MAN1A2: variants seen among roughly 807,000 people sequenced by gnomAD.
MAN1A2 encodes mannosidase alpha class 1A member 2, also known as mannosyl-oligosaccharide 1,2-alpha-mannosidase IB.
In MAN1A2, 26 loss-of-function variants were observed where a neutral mutation model predicts 75.7. The ratio of observed to expected loss-of-function variants is 0.34; its 90% CI spans 0.25 to 0.48. The LOEUF (loss-of-function observed/expected upper bound fraction) is 0.48, where lower values mean the gene tolerates loss of function less well. Among genes scored for constraint, MAN1A2 ranks in the 20% least tolerant of loss-of-function variants. The probability of loss-of-function intolerance (pLI) is 0.99; values close to 1 mark genes in which losing one functional copy is unlikely to be tolerated. For synonymous variants in MAN1A2, 247 were observed against 264.6 expected, an observed-to-expected ratio of 0.93 and a Z score of 0.65; for missense variants, 562 against 775.5, an observed-to-expected ratio of 0.72 and a Z score of 3.27.
In MAN1A2 at chr1:117,488,829, C is replaced by T. The variant is rs148195392; in HGVS notation, c.1169-4318C>T. 6.8e-3 allele frequency among the ~76,000 whole-genome samples: 1,036 copies of T among 151,990 alleles called. 6 individuals carry two copies. Among genetic ancestry groups the T allele is most frequent in the African/African-American group, 0.024 (979 of 41,478 alleles). On this transcript the variant is annotated intron_variant, in intron 8 of 12. Transcript: ENST00000356554. The stretch of plus-strand genomic sequence containing the variant: ...TTCCCCCATTTATTACTTTCTACAA[C>T]GAAAGATGATTTTTAATTATATAAG...
intron 12 of MAN1A2, among the ~76,000 whole-genome samples, chr1:117,509,044 A>G (rs1410793793): frequency 6.6e-6 from 1 of 151,652 alleles, no homozygotes; most frequent in Non-Finnish European, 1.5e-5. Context: ...TTTCAACCCT[A>G]GGGATGAAGA....
chr1:117,444,765 C>T (rs1051256541), intron 6 of MAN1A2, among the ~76,000 whole-genome samples: 8 of 151,872 alleles, frequency 5.3e-5, no homozygotes, highest in Admixed American at 3.9e-4. Context: ...AATTAATTCT[C>T]CTCTCTCTAC....
At chr1:117,487,636 T>G (rs1416884421) in intron 8 of MAN1A2, among the ~76,000 whole-genome samples, 1 of 151,960 alleles carries the variant, frequency 6.6e-6, no homozygotes, top group Non-Finnish European at 1.5e-5. Context: ...AAAATAGATG[T>G]TGTAATATTG....
chr1:117,443,121 C>G (rs1649095655), intron 6 of MAN1A2, among the ~76,000 whole-genome samples: 1 of 151,994 alleles, frequency 6.6e-6, no homozygotes, highest in Non-Finnish European at 1.5e-5. Context: ...TTGTTGTTCT[C>G]TTTGCACTCA....
chr1:117,411,995 T>C (rs1647835563), intron 3 of MAN1A2, among the ~76,000 whole-genome samples: 1 of 151,800 alleles, frequency 6.6e-6, no homozygotes, highest in Admixed American at 6.6e-5. Context: ...TGTAGTTGTA[T>C]GTTTCTTAGT....
chr1:117,463,401 C>T, intron 7 of MAN1A2, among the ~76,000 whole-genome samples: 1 of 152,010 alleles, frequency 6.6e-6, no homozygotes, highest in Non-Finnish European at 1.5e-5. Flanking sequence ...TTGCCTACAG[C>T]TCCAGCAGAG....
At chr1:117,429,979 A>G (rs1456398153) in intron 5 of MAN1A2, among the ~76,000 whole-genome samples, 137 of 25,246 alleles carry the variant, frequency 5.4e-3, no homozygotes, top group Admixed American at 9.8e-3. Flanking sequence ...GGCCGGGCGG[A>G]GGGCTGACCC....
chr1:117,494,411 A>G (rs1650977851), intron 9 of MAN1A2: 1 of 152,032 alleles, frequency 6.6e-6, no homozygotes, highest in African/African-American at 2.4e-5. Context: ...AAAGTTGTAT[A>G]TTTTGTATAT....
chr1:117,455,019 C>T (rs112472279), intron 6 of MAN1A2, among the ~76,000 whole-genome samples: 2,285 of 152,110 alleles, frequency 0.015, 25 homozygotes, highest in Non-Finnish European at 0.021. Flanking sequence ...GAAAAATAGA[C>T]AATGAAAAGG....
At chr1:117,396,755 A>G (rs1316621564) in intron 1 of MAN1A2, among the ~76,000 whole-genome samples, 1 of 152,220 alleles carries the variant, frequency 6.6e-6, no homozygotes, top group Admixed American at 6.5e-5. Context: ...AATTTGGAAC[A>G]GAGAGGTTAG....
At position 117,445,517 on chromosome 1, in the gene MAN1A2, G is replaced by C. The variant is rs116020690; in HGVS notation, c.950+3192G>C. 7.3e-3 allele frequency among the ~76,000 whole-genome samples: 1,114 copies of C among 152,182 alleles called. 19 individuals carry two copies. Among genetic ancestry groups the C allele is most frequent in the African/African-American group, 0.025 (1,040 of 41,536 alleles). ...TTTTTAATAACAAATTAAAATTTGTGTGTGTGTGTTTGGAGGGGGCTGGTT... is the reference window on the plus strand; with the variant it reads ...TTTTTAATAACAAATTAAAATTTGTCTGTGTGTGTTTGGAGGGGGCTGGTT... On this transcript the variant is annotated intron_variant, in intron 6 of 12. Transcript: ENST00000356554.
intron 5 of MAN1A2, among the ~76,000 whole-genome samples, chr1:117,430,212 A>AC (rs1173952018): frequency 9.0e-3 from 772 of 85,722 alleles, no homozygotes; most frequent in Non-Finnish European, 0.014. Flanking sequence ...CGGGGGGCTG[A>AC]CCCCCCCACC....
At chr1:117,520,670 G>A (rs1651844062) in intron 12 of MAN1A2, among the ~76,000 whole-genome samples, 1 of 152,052 alleles carries the variant, frequency 6.6e-6, no homozygotes, top group South Asian at 2.1e-4. Flanking sequence ...AGAAGTCATA[G>A]ATGACACAAA....
At chr1:117,503,368 C>G (rs982339189) in intron 12 of MAN1A2, among the ~76,000 whole-genome samples, 8 of 151,420 alleles carry the variant, frequency 5.3e-5, no homozygotes, top group African/African-American at 1.9e-4. Context: ...ACCTGAGCTC[C>G]CTACTGTAGC....
intron 1 of MAN1A2, among the ~76,000 whole-genome samples, chr1:117,399,383 G>A (rs1414196388): frequency 2.0e-5 from 3 of 152,114 alleles, no homozygotes; most frequent in Non-Finnish European, 1.5e-5. Flanking sequence ...GTTTTCCTGG[G>A]GCAATCTCCC....
chr1:117,443,663 G>T (rs115782790), intron 6 of MAN1A2, among the ~76,000 whole-genome samples: 145 of 152,206 alleles, frequency 9.5e-4, no homozygotes, highest in African/African-American at 3.4e-3. Flanking sequence ...GGACCATGTT[G>T]TGAGCTTTTT....
chr1:117,468,954 C>A (rs746645003), intron 8 of MAN1A2, among the ~76,000 whole-genome samples: 2 of 152,068 alleles, frequency 1.3e-5, no homozygotes, highest in Admixed American at 1.3e-4. Flanking sequence ...AGCTTAAAAA[C>A]ATTTTTAAAT....
At chr1:117,412,262 G>A (rs1478733698) in intron 3 of MAN1A2, among the ~76,000 whole-genome samples, 2 of 151,476 alleles carry the variant, frequency 1.3e-5, no homozygotes, top group Admixed American at 6.6e-5. Flanking sequence ...AGTATTTCTC[G>A]AGAAAGATCA....
At chr1:117,418,357 A>G (rs527266659) in intron 4 of MAN1A2, among the ~76,000 whole-genome samples, 16 of 152,206 alleles carry the variant, frequency 1.1e-4, no homozygotes, top group African/African-American at 2.9e-4. Flanking sequence ...GGGTACTGCT[A>G]TTAGTATTTT....
Sources: allele counts gnomAD v4.1 joint callset (sites outside exome capture counted in the v4.1 genomes callset), GRCh38; gene constraint gnomAD v4.1.1; transcripts MANE v1.5; gene names NCBI Gene and HGNC (gene_info 2026-07-23, HGNC 2026-07-21).